Variants in EML5 observed in about 807,000 individuals in gnomAD.
EML5 encodes EMAP like 5, also known as echinoderm microtubule-associated protein-like 5.
In EML5, 120 loss-of-function variants were observed where a neutral mutation model predicts 250.0. That is an observed-to-expected ratio of 0.48 (90% CI 0.41 to 0.56). EML5 has a LOEUF of 0.56. Among genes scored for constraint, EML5 ranks in the 20% least tolerant of loss-of-function variants. EML5 has a pLI of 0.00. For synonymous variants in EML5, 771 were observed against 806.5 expected (o/e 0.96, Z 0.75); for missense variants, 2,006 against 2,437.6 (o/e 0.82, Z 3.73).
At chr14:88,646,232 AG>A (rs1260950313) in intron 29 of EML5, among the ~76,000 whole-genome samples, 1 of 152,210 alleles carries the variant, frequency 6.6e-6, no homozygotes. Context: ...CATCAATAAA[AG>A]TAAATGTGCT....
At position 88,626,127 on chromosome 14, in the gene EML5, A is replaced by G. The variant is rs377399976; in HGVS notation, c.4740+711T>C. The G allele has an allele frequency of 3.9e-5, 6 of 152,358 alleles. 1 individual carries two copies. The highest frequency in any genetic ancestry group is 1.4e-4 in the African/African-American group (6 of 41,578). The allele number at this position is 152,358 out of a possible 1,614,324, so 9.4% of individuals were successfully genotyped here. ...AGCTGTATGATAAGCAGTGTGTTAA[A>G]TGATAAAAAGCAAAGGAAATCCTAA... On this transcript the variant is annotated intron_variant, in intron 35 of 43. Coordinates refer to ENST00000554922, the MANE Select transcript of EML5 (RefSeq NM_183387.3).
chr14:88,723,334 A>C (rs956049229), intron 8 of EML5, among the ~76,000 whole-genome samples: 2 of 152,214 alleles, frequency 1.3e-5, no homozygotes, highest in Non-Finnish European at 2.9e-5. Flanking sequence ...CATTATGCTT[A>C]GTGAAATAAA....
chr14:88,707,567 A>G (rs961233580), intron 10 of EML5, among the ~76,000 whole-genome samples: 3 of 152,156 alleles, frequency 2.0e-5, no homozygotes, highest in Admixed American at 2.0e-4. Context: ...ATTAAGTTAT[A>G]GAAGACTTGT....
At chr14:88,651,154 CTTTT>C (rs869045980) in intron 27 of EML5, among the ~76,000 whole-genome samples, 2 of 93,158 alleles carry the variant, frequency 2.1e-5, no homozygotes, top group Non-Finnish European at 4.1e-5. Flanking sequence ...TTGTCATTTT[CTTTT>C]TTTTTTTTTT....
At chr14:88,701,089 A>G (rs1016291310) in intron 14 of EML5, among the ~76,000 whole-genome samples, 3 of 152,166 alleles carry the variant, frequency 2.0e-5, no homozygotes, top group African/African-American at 4.8e-5. Flanking sequence ...CTACTGGGCA[A>G]AATTAATCAT....
Position 88,681,454 on chromosome 14 carries a change from A to G in EML5, c.3124+436T>C, listed in dbSNP as rs534426806. 1.4e-3 allele frequency among the ~76,000 whole-genome samples: 215 copies of G among 152,290 alleles called. 1 individual carries two copies. Among genetic ancestry groups the G allele is most frequent in the African/African-American group, 4.9e-3 (204 of 41,568 alleles). ...GGAAACCCTGTCTCTCTACCCTGAC[A>G]GCTTCATCTGCTTCCTACAAATGGG... is the stretch of plus-strand genomic sequence containing the variant. On this transcript the variant is annotated intron_variant, in intron 21 of 43. Coordinates refer to ENST00000554922, the MANE Select transcript of EML5 (RefSeq NM_183387.3).
In EML5 at chr14:88,616,864, C is replaced by G; in HGVS notation, c.5658G>C (p.Glu1886Asp). 6.2e-7 allele frequency: 1 copy of G among 1,613,790 alleles called. No homozygotes were observed. The highest frequency in any genetic ancestry group is 8.5e-7 in the Non-Finnish European group (1 of 1,179,782). Residue 1886 changes from glutamate to aspartate, a missense_variant, in exon 42 of 44, where the codon GAG becomes GAC. Transcript: ENST00000554922. The part of the protein sequence containing the change: ...WATWTSILGD[E>D]VLGIWSRHAE... Reference sequence around the variant, plus strand: ...CATGTCTGGACCAGATTCCCAAAACCTCATCTCCTAGAATACTAGAGGGAA... The same window carrying G: ...CATGTCTGGACCAGATTCCCAAAACGTCATCTCCTAGAATACTAGAGGGAA...
At chr14:88,766,667 C>T (rs1201609263) in intron 1 of EML5, among the ~76,000 whole-genome samples, 3 of 152,082 alleles carry the variant, frequency 2.0e-5, no homozygotes, top group Non-Finnish European at 4.4e-5. Flanking sequence ...ATTTTATTAC[C>T]TTGTGAAGTA....
In EML5 at chr14:88,664,537, T is replaced by G. The variant is rs746879474; in HGVS notation, c.3365A>C (p.Lys1122Thr). ...ATGGGTTATGTAACTGGTAGCTCCT[T>G]TGCATATTCCTACTCGTTTACTACT... ...VMSSKRVGIC[K>T]GATSYITHID... is the part of the protein sequence containing the mutation. Residue 1122 changes from lysine to threonine, a missense_variant, in exon 23 of 44, where the codon AAA becomes ACA. This residue lies in a region of EML5 where 1,375 missense variants were observed against 1,590.3 expected (regional missense o/e 0.86). Transcript: ENST00000554922. 4.3e-6 allele frequency: 7 copies of G among 1,610,848 alleles called. No homozygotes were observed. The highest frequency in any genetic ancestry group is 5.9e-6 in the Non-Finnish European group (7 of 1,178,806).
At chr14:88,665,940 C>G (rs891849163) in intron 21 of EML5, among the ~76,000 whole-genome samples, 1 of 151,918 alleles carries the variant, frequency 6.6e-6, no homozygotes, top group Non-Finnish European at 1.5e-5. Flanking sequence ...AAAAAGGTTG[C>G]CTCTTTATTA....
At chr14:88,758,460 G>A (rs2094193129) in intron 1 of EML5, among the ~76,000 whole-genome samples, 1 of 151,818 alleles carries the variant, frequency 6.6e-6, no homozygotes, top group Non-Finnish European at 1.5e-5. Flanking sequence ...CTCCCAAAAT[G>A]CTGGGATTAC....
chr14:88,660,244 T>C (rs151112346), intron 25 of EML5, among the ~76,000 whole-genome samples: 25 of 150,122 alleles, frequency 1.7e-4, no homozygotes, highest in African/African-American at 5.9e-4. Context: ...GATTGCGCCA[T>C]TGCATTCCAG....
chr14:88,738,858 A>G (rs760621555), intron 6 of EML5, 21 bp downstream of exon 6: 13 of 1,549,882 alleles, frequency 8.4e-6, no homozygotes, highest in Non-Finnish European at 1.1e-5. Context: ...CCTAGTAATA[A>G]GACATTTGTT....
chr14:88,643,977 T>C (rs1379808242), intron 30 of EML5, among the ~76,000 whole-genome samples: 1 of 152,160 alleles, frequency 6.6e-6, no homozygotes, highest in Non-Finnish European at 1.5e-5. Context: ...TCCTCAATTA[T>C]TACGTAAGGT....
chr14:88,695,570 A>G, intron 15 of EML5, 116 bp from the exon 16 acceptor site: 1 of 966,410 alleles, frequency 1.0e-6, no homozygotes, highest in Non-Finnish European at 1.5e-6. Context: ...ATAATGTTAA[A>G]TGTTAGGCAT....
rs995403819 is a variant in EML5 at position 88,792,945 on chromosome 14, A to G, written c.-442T>C. 2.1e-5 allele frequency among the ~76,000 whole-genome samples: 3 copies of G among 144,740 alleles called. No individual in the cohort carries two copies. The highest frequency in any genetic ancestry group is 5.5e-5 in the African/African-American group (2 of 36,444). 95.0% of individuals were successfully genotyped at this position (144,740 alleles called of 152,430 possible). ...ACCCGCGCCGCGCACCCCGAAACCG[A>G]GCGAGCCGAGCCGAGCCGAGCCGAG... On this transcript the variant is annotated 5_prime_UTR_variant, in exon 1 of 44. Transcript: ENST00000554922. The surrounding 1 kb of genome is among the most constrained non-coding windows in gnomAD (Gnocchi z 6.9).
intron 21 of EML5, among the ~76,000 whole-genome samples, chr14:88,670,704 C>T (rs1428329935): frequency 6.6e-6 from 1 of 152,052 alleles, no homozygotes; most frequent in African/African-American, 2.4e-5. Flanking sequence ...ACCAGAATAA[C>T]CAGTTTAGAG....
At chr14:88,723,716 T>A (rs927235154) in intron 8 of EML5, among the ~76,000 whole-genome samples, 1 of 152,172 alleles carries the variant, frequency 6.6e-6, no homozygotes, top group Non-Finnish European at 1.5e-5. Flanking sequence ...CGTAAATATA[T>A]ACAGTTTTTA....
chr14:88,789,404 T>C (rs946297650), intron 1 of EML5, among the ~76,000 whole-genome samples: 3 of 152,048 alleles, frequency 2.0e-5, no homozygotes, highest in African/African-American at 7.2e-5. Context: ...TAGAGAAGTA[T>C]ACACAAGTAG....
Sources: gnomAD v4.1 joint callset for allele counts (sites outside exome capture counted in the v4.1 genomes callset) on GRCh38, gnomAD v4.1.1 for gene constraint, gnomAD v4.1.1 regional missense constraint, Gnocchi (gnomAD v3.1) non-coding constraint, MANE v1.5 for transcripts, NCBI Gene and HGNC (gene_info 2026-07-23, HGNC 2026-07-21) for gene names.